Variants in CD40 observed in about 807,000 individuals in gnomAD.
CD40 encodes the protein CD40 molecule.
Under a neutral mutation model 38.5 loss-of-function variants are expected in CD40, and 19 were observed. The observed-to-expected ratio is 0.49, with a 90% confidence interval of 0.34 to 0.72. CD40 has a LOEUF of 0.72. Ranked by LOEUF, CD40 falls within the 30% of genes least tolerant of loss-of-function variation. The pLI, the probability that CD40 is intolerant of heterozygous loss-of-function variation, is 0.01. For synonymous variants in CD40, 130 were observed against 128.7 expected (o/e 1.01, Z -0.07); for missense variants, 256 against 344.1 (o/e 0.74, Z 2.03).
chr20:46,118,736 A>G (rs1331783260), intron 1 of CD40, among the ~76,000 whole-genome samples: 3 of 152,098 alleles, frequency 2.0e-5, no homozygotes. Context: ...GACCAAGGGA[A>G]GGGGCGGGTC....
chr20:46,126,977 T>C (rs1226603970), intron 6 of CD40: 1 of 513,064 alleles, frequency 1.9e-6, no homozygotes, highest in Non-Finnish European at 3.5e-6. Flanking sequence ...GATCAGATAA[T>C]GTAAATCAGT....
rs780015926 is a variant in CD40, at chr20:46,124,751, G to GTTTTTTTTTTTT, written c.497+1554_497+1565dup. ...GATAACTGGAGGCACCACTGGTATA[G>GTTTTTTTTTTTT]TTTTTTTTTTTTTTTTTTTTTTTTT... On this transcript the variant is annotated intron_variant, in intron 5 of 8. Coordinates refer to ENST00000372285, the MANE Select transcript of CD40 (RefSeq NM_001250.6). Among the ~76,000 whole-genome samples, 85 of 73,954 alleles carry GTTTTTTTTTTTT rather than the reference G, an allele frequency of 1.1e-3. 15 individuals carry two copies. The highest frequency in any genetic ancestry group is 1.6e-3 in the Non-Finnish European group (64 of 40,976). 48.5% of individuals were successfully genotyped at this position (73,954 alleles called of 152,430 possible). A position where few individuals can be genotyped will look rare whatever the true frequency, so the allele number is the denominator to read the frequency against.
At chr20:46,124,316 C>A (rs1324022716) in intron 5 of CD40, among the ~76,000 whole-genome samples, 1 of 152,138 alleles carries the variant, frequency 6.6e-6, no homozygotes, top group Non-Finnish European at 1.5e-5. Flanking sequence ...CAAACACCTG[C>A]CCCATTAACT....
rs573253733 is a variant in CD40 at position 46,123,187 on chromosome 20, A to G, written c.465A>G (p.Ser155=). ...PCPVGFFSNV[S]SAFEKCHPWT... Reference sequence around the variant, plus strand: ...CAGTCGGCTTCTTCTCCAATGTGTCATCTGCTTTCGAAAAATGTCACCCTT... The same window carrying G: ...CAGTCGGCTTCTTCTCCAATGTGTCGTCTGCTTTCGAAAAATGTCACCCTT... Residue 155 remains serine, a synonymous_variant, in exon 5 of 9, where the codon TCA becomes TCG. Transcript: ENST00000372285. 47 of 1,614,186 alleles carry G rather than the reference A, an allele frequency of 2.9e-5. 1 individual carries two copies. The South Asian group carries it at 4.4e-4, about 15-fold the overall frequency.
At position 46,128,212 on chromosome 20, in the gene CD40, C is replaced by G. The variant is rs1490491947; in HGVS notation, c.634C>G (p.Leu212Val). 3.7e-6 allele frequency: 6 copies of G among 1,608,658 alleles called. No homozygotes were observed. Among genetic ancestry groups the G allele is most frequent in the Non-Finnish European group, 4.2e-6 (5 of 1,177,920 alleles). ...FGILFAILLV[L>V]VFIKKVAKKP... The stretch of plus-strand genomic sequence containing the variant: ...GATCCTGTTTGCCATCCTCTTGGTG[C>G]TGGTCTTTATCAGTGAGTCCTCAGG... The change falls in exon 7 of 9, where the codon CTG becomes GTG. Residue 212 changes from leucine (L) to valine (V), a missense_variant. Leu to Val is a conservative substitution (Grantham distance 32, BLOSUM62 1). Coordinates refer to ENST00000372285, the MANE Select transcript of CD40 (RefSeq NM_001250.6).
rs2085332101 is a variant in CD40, at chr20:46,122,207, C to G, written c.131-26C>G. 6.2e-7 allele frequency: 1 copy of G among 1,614,116 alleles called. No homozygotes were observed. Among genetic ancestry groups the G allele is most frequent in the South Asian group, 1.1e-5 (1 of 91,060 alleles). ...CTGACTCATGGAGTTGGCCAGAGCCCTCCCTCATTTCCTGATGTTTTCCAG... is the reference window on the plus strand; with the variant it reads ...CTGACTCATGGAGTTGGCCAGAGCCGTCCCTCATTTCCTGATGTTTTCCAG... On this transcript the variant is annotated intron_variant, in intron 2 of 8. Coordinates refer to ENST00000372285, the MANE Select transcript of CD40 (RefSeq NM_001250.6). The surrounding 1 kb of genome is among the most constrained non-coding windows in gnomAD (Gnocchi z 5.0).
intron 6 of CD40, among the ~76,000 whole-genome samples, chr20:46,127,786 G>A (rs2145611362): frequency 6.6e-6 from 1 of 152,284 alleles, no homozygotes; most frequent in South Asian, 2.1e-4. Context: ...GGGGAGCATG[G>A]TGAGCAGGTG....
At position 46,128,127 on chromosome 20, in the gene CD40, G is replaced by A; in HGVS notation, c.560-11G>A. Reference sequence around the variant, plus strand: ...GGTGAGGGGTGCATGCTGAAGTCCTGATTTCTCCAGGTCCCCAGGATCGGC... The same window carrying A: ...GGTGAGGGGTGCATGCTGAAGTCCTAATTTCTCCAGGTCCCCAGGATCGGC... On this transcript the variant is annotated splice_polypyrimidine_tract_variant and intron_variant, in intron 6 of 8. Coordinates refer to ENST00000372285, the MANE Select transcript of CD40 (RefSeq NM_001250.6). The A allele has an allele frequency of 6.2e-7, 1 of 1,614,014 alleles. No individual in the cohort carries two copies. Among genetic ancestry groups the A allele is most frequent in the Non-Finnish European group, 8.5e-7 (1 of 1,179,990 alleles).
chr20:46,120,017 C>T (rs999515919), intron 1 of CD40, among the ~76,000 whole-genome samples: 22 of 152,134 alleles, frequency 1.4e-4, no homozygotes, highest in African/African-American at 4.8e-4. Context: ...AGGATGGTGT[C>T]TTGCAATGAG....
In CD40 at chr20:46,122,104, C is replaced by T. The variant is rs2085330018; in HGVS notation, c.131-129C>T. Reference sequence around the variant, plus strand: ...ATCCCAGCTTCTCCATCTTCCTCGCCTGATTATGAAGGATCCAAGACTTTC... The same window carrying T: ...ATCCCAGCTTCTCCATCTTCCTCGCTTGATTATGAAGGATCCAAGACTTTC... On this transcript the variant is annotated intron_variant, in intron 2 of 8. Coordinates refer to ENST00000372285, the MANE Select transcript of CD40 (RefSeq NM_001250.6). The surrounding 1 kb of genome is among the most constrained non-coding windows in gnomAD (Gnocchi z 5.0). 1.8e-5 allele frequency: 23 copies of T among 1,272,046 alleles called. No individual in the cohort carries two copies. The South Asian group carries it at 2.3e-4, about 13-fold the overall frequency. 78.8% of individuals were successfully genotyped at this position (1,272,046 alleles called of 1,614,324 possible).
intron 1 of CD40, among the ~76,000 whole-genome samples, chr20:46,120,881 A>G (rs974366990): frequency 6.6e-6 from 1 of 152,204 alleles, no homozygotes; most frequent in Admixed American, 6.5e-5. Context: ...CCTGGCCAAC[A>G]TGGTGAAACC....
At position 46,123,145 on chromosome 20, in the gene CD40, C is replaced by T. The variant is rs777779940; in HGVS notation, c.423C>T (p.Thr141=). ...VKQIATGVSD[T]ICEPCPVGFF... is the part of the protein sequence containing the mutation. Reference sequence around the variant, plus strand: ...TCCCAGCTACAGGGGTTTCTGATACCATCTGCGAGCCCTGCCCAGTCGGCT... The same window carrying T: ...TCCCAGCTACAGGGGTTTCTGATACTATCTGCGAGCCCTGCCCAGTCGGCT... Residue 141 remains threonine, a synonymous_variant, in exon 5 of 9, where the codon ACC becomes ACT. Coordinates refer to ENST00000372285, the MANE Select transcript of CD40 (RefSeq NM_001250.6). 6.2e-7 allele frequency: 1 copy of T among 1,614,084 alleles called. No individual in the cohort carries two copies. The highest frequency in any genetic ancestry group is 8.5e-7 in the Non-Finnish European group (1 of 1,179,924).
At chr20:46,125,379 A>C (rs1320621612) in intron 5 of CD40, among the ~76,000 whole-genome samples, 1 of 151,304 alleles carries the variant, frequency 6.6e-6, no homozygotes, top group Non-Finnish European at 1.5e-5. Flanking sequence ...CCCTGTCTCT[A>C]CTAAAAATAC....
In CD40 at chr20:46,128,238, T is replaced by A. The variant is rs765214644; in HGVS notation, c.646+14T>A. 6.3e-7 allele frequency: 1 copy of A among 1,593,326 alleles called. No homozygotes were observed. Among genetic ancestry groups the A allele is most frequent in the East Asian group, 2.3e-5 (1 of 43,892 alleles). On this transcript the variant is annotated intron_variant, in intron 7 of 8. Coordinates refer to ENST00000372285, the MANE Select transcript of CD40 (RefSeq NM_001250.6). ...TGGTCTTTATCAGTGAGTCCTCAGGTGGGGAGGTGTTGGGGGAGGGAGGGG... is the reference window on the plus strand; with the variant it reads ...TGGTCTTTATCAGTGAGTCCTCAGGAGGGGAGGTGTTGGGGGAGGGAGGGG...
chr20:46,126,863 C>T (rs2085447952), intron 6 of CD40, 162 bp downstream of exon 6: 1 of 1,129,198 alleles, frequency 8.9e-7, no homozygotes, highest in Non-Finnish European at 1.3e-6. Context: ...GGGCAAATCA[C>T]TTCCCCTCTC....
At chr20:46,118,588 C>T (rs2085257662) in intron 1 of CD40, among the ~76,000 whole-genome samples, 194 bp downstream of exon 1, 1 of 152,070 alleles carries the variant, frequency 6.6e-6, no homozygotes, top group Admixed American at 6.5e-5. Flanking sequence ...GCTGGGGTCC[C>T]GGGAGCGGCC....
Position 46,122,041 on chromosome 20 carries a change from T to C in CD40, c.130+143T>C. On this transcript the variant is annotated intron_variant, in intron 2 of 8. Transcript: ENST00000372285. The surrounding 1 kb of genome is among the most constrained non-coding windows in gnomAD (Gnocchi z 5.0). ...TCACTGTCAGAATGTTCTGGTTCCC[T>C]CTCTACCAGGTAAAACTCTGTCTAC... The C allele has an allele frequency of 9.8e-7, 1 of 1,023,058 alleles. No homozygotes were observed. The highest frequency in any genetic ancestry group is 1.5e-6 in the Non-Finnish European group (1 of 663,152). The allele number at this position is 1,023,058 out of a possible 1,614,324, so 63.4% of individuals were successfully genotyped here.
At chr20:46,118,576 G>A (rs11569303) in intron 1 of CD40, among the ~76,000 whole-genome samples, 182 bp downstream of exon 1, 43 of 152,234 alleles carry the variant, frequency 2.8e-4, no homozygotes, top group African/African-American at 1.0e-3. Flanking sequence ...CTCTTCTCCC[G>A]GGCTGGGGTC....
chr20:46,123,365 C>A, intron 5 of CD40, 146 bp downstream of exon 5: 1 of 791,334 alleles, frequency 1.3e-6, no homozygotes, highest in Non-Finnish European at 2.3e-6. Flanking sequence ...GCCTCATGGC[C>A]AACCAGACAG....
Sources: gnomAD v4.1 joint callset for allele counts (sites outside exome capture counted in the v4.1 genomes callset) on GRCh38, gnomAD v4.1.1 for gene constraint, Gnocchi (gnomAD v3.1) non-coding constraint, MANE v1.5 for transcripts, NCBI Gene and HGNC (gene_info 2026-07-23, HGNC 2026-07-21) for gene names.